The following IMMP2L variants were observed in gnomAD, a reference collection of about 807,000 sequenced individuals.
The protein encoded by IMMP2L is inner mitochondrial membrane peptidase subunit 2.
In IMMP2L, 18 loss-of-function variants were observed where a neutral mutation model predicts 19.3. The ratio of observed to expected loss-of-function variants is 0.93; its 90% CI spans 0.64 to 1.38. The LOEUF (loss-of-function observed/expected upper bound fraction) is 1.38. IMMP2L is among the 40% of genes most tolerant of loss of function. The pLI is 0.00. For synonymous variants in IMMP2L, 76 were observed against 73.0 expected, an observed-to-expected ratio of 1.04 and a Z score of -0.21; for missense variants, 233 against 218.2, an observed-to-expected ratio of 1.07 and a Z score of -0.43.
intron 4 of IMMP2L, among the ~76,000 whole-genome samples, chr7:110,900,565 G>T (rs895650029): frequency 6.6e-6 from 1 of 151,998 alleles, no homozygotes; most frequent in East Asian, 1.9e-4. Context: ...CTGCCCTACT[G>T]AACATTTTCC....
chr7:111,470,486 G>A (rs377246117), intron 3 of IMMP2L, among the ~76,000 whole-genome samples: 2,957 of 151,714 alleles, frequency 0.019, 95 homozygotes, highest in African/African-American at 0.068. Context: ...ATGTCCAACA[G>A]TGATAGACTA....
chr7:110,801,333 AT>A (rs1360264833), intron 5 of IMMP2L, among the ~76,000 whole-genome samples: 1 of 152,042 alleles, frequency 6.6e-6, no homozygotes, highest in African/African-American at 2.4e-5. Flanking sequence ...GCTTGTCTAA[AT>A]TTTATTTGAA....
At chr7:111,556,014 G>GTATATATATATATATATATATATATA in intron 1 of IMMP2L, among the ~76,000 whole-genome samples, 3 of 114,570 alleles carry the variant, frequency 2.6e-5, no homozygotes, top group South Asian at 3.1e-4. Context: ...TCTTCTGTGT[G>GTATATATATATATATATATATATATA]CATGTATATA....
At chr7:111,431,947 T>A (rs1836673558) in intron 3 of IMMP2L, among the ~76,000 whole-genome samples, 3 of 151,798 alleles carry the variant, frequency 2.0e-5, no homozygotes, top group African/African-American at 7.3e-5. Flanking sequence ...AAAATTGTAT[T>A]CTTTGGAAAA....
intron 3 of IMMP2L, among the ~76,000 whole-genome samples, chr7:111,186,547 G>C (rs1586737581): frequency 6.6e-6 from 1 of 151,992 alleles, no homozygotes; most frequent in African/African-American, 2.4e-5. Context: ...TCCTGCTTCA[G>C]CCTCCTGAGT....
intron 3 of IMMP2L, among the ~76,000 whole-genome samples, chr7:111,043,861 T>C (rs1021418081): frequency 3.9e-5 from 6 of 152,222 alleles, no homozygotes; most frequent in Admixed American, 3.9e-4. Context: ...ATAGAGATCA[T>C]CACTTGACCT....
At chr7:111,556,983 C>T (rs1002159612) in intron 1 of IMMP2L, among the ~76,000 whole-genome samples, 1 of 152,094 alleles carries the variant, frequency 6.6e-6, no homozygotes, top group Non-Finnish European at 1.5e-5. Context: ...ATACCTTCTT[C>T]CTCTTCTCTT....
At chr7:111,180,293 G>A (rs1807559697) in intron 3 of IMMP2L, among the ~76,000 whole-genome samples, 2 of 151,768 alleles carry the variant, frequency 1.3e-5, no homozygotes, top group South Asian at 2.1e-4. Context: ...CTTTCTCTTG[G>A]ACACTTAGAG....
intron 3 of IMMP2L, among the ~76,000 whole-genome samples, chr7:111,312,776 A>C (rs1353368785): frequency 6.6e-6 from 1 of 152,142 alleles, no homozygotes; most frequent in Non-Finnish European, 1.5e-5. Flanking sequence ...GTTCAATTGC[A>C]GTATGGTCAG....
At chr7:111,016,533 T>C (rs185173383) in intron 3 of IMMP2L, among the ~76,000 whole-genome samples, 1 of 120,898 alleles carries the variant, frequency 8.3e-6, no homozygotes, top group Non-Finnish European at 1.6e-5. Context: ...ATGTATATAT[T>C]ATATATTATA....
intron 3 of IMMP2L, among the ~76,000 whole-genome samples, chr7:111,443,812 T>C (rs1838001587): frequency 6.6e-6 from 1 of 152,178 alleles, no homozygotes; most frequent in South Asian, 2.1e-4. Context: ...TCAATTTTTT[T>C]TCTCTACAGC....
At chr7:111,357,806 T>A (rs147133517) in intron 3 of IMMP2L, among the ~76,000 whole-genome samples, 2 of 152,174 alleles carry the variant, frequency 1.3e-5, no homozygotes, top group East Asian at 3.9e-4. Flanking sequence ...TATATACTTA[T>A]CCATTTCTAT....
intron 5 of IMMP2L, among the ~76,000 whole-genome samples, chr7:110,686,800 T>C (rs1333855827): frequency 1.3e-5 from 2 of 152,134 alleles, no homozygotes; most frequent in South Asian, 2.1e-4. Context: ...TACAAAACTC[T>C]CCAATTTCAA....
At chr7:111,533,252 G>T (rs113915833) in intron 1 of IMMP2L, among the ~76,000 whole-genome samples, 28 of 152,160 alleles carry the variant, frequency 1.8e-4, no homozygotes, top group African/African-American at 6.7e-4. Context: ...ATGGAACTGC[G>T]ATCTCATTTA....
chr7:111,023,940 A>C (rs1826554175), intron 3 of IMMP2L, among the ~76,000 whole-genome samples: 1 of 152,200 alleles, frequency 6.6e-6, no homozygotes, highest in Non-Finnish European at 1.5e-5. Context: ...ATAGGTGAAT[A>C]GTCCAGTATA....
At chr7:111,498,321 T>G (rs1352944754) in intron 2 of IMMP2L, among the ~76,000 whole-genome samples, 1 of 152,134 alleles carries the variant, frequency 6.6e-6, no homozygotes, top group African/African-American at 2.4e-5. Context: ...AGATCACATA[T>G]AGTCAATGAA....
intron 5 of IMMP2L, among the ~76,000 whole-genome samples, chr7:110,861,125 G>C (rs1199579746): frequency 2.7e-5 from 4 of 146,008 alleles, no homozygotes; most frequent in African/African-American, 5.0e-5. Context: ...GAGAGAGAGA[G>C]AGAGACAGAG....
intron 3 of IMMP2L, among the ~76,000 whole-genome samples, chr7:111,475,816 T>A (rs1269368143): frequency 2.6e-5 from 4 of 152,130 alleles, no homozygotes; most frequent in Non-Finnish European, 5.9e-5. Flanking sequence ...TTTCAATAAT[T>A]GCAACTACAG....
At chr7:111,151,561 T>C (rs1283675940) in intron 3 of IMMP2L, among the ~76,000 whole-genome samples, 2 of 152,168 alleles carry the variant, frequency 1.3e-5, no homozygotes, top group Non-Finnish European at 2.9e-5. Context: ...CTCCTAATTT[T>C]ACCAAAACGT....
Sources: gnomAD v4.1 joint callset for allele counts (sites outside exome capture counted in the v4.1 genomes callset) on GRCh38, gnomAD v4.1.1 for gene constraint, MANE v1.5 for transcripts, NCBI Gene and HGNC (gene_info 2026-07-23, HGNC 2026-07-21) for gene names.